The following SYNE2 variants were observed in gnomAD, a reference collection of about 807,000 sequenced individuals.
The protein encoded by SYNE2 is nesprin-2.
A neutral mutation model predicts 856.3 loss-of-function variants in SYNE2; 431 were observed. That is an observed-to-expected ratio of 0.50 (90% CI 0.47 to 0.55). The LOEUF is 0.55. SYNE2 is among the 20% of genes least tolerant of loss of function. The pLI is 0.00. For missense variants in SYNE2, 8,129 were observed against 8,023.2 expected (o/e 1.01, Z -0.50); for synonymous variants, 2,923 against 2,872.3 (o/e 1.02, Z -0.56).
At chr14:64,074,816 AC>A (rs1462106226) in intron 53 of SYNE2, among the ~76,000 whole-genome samples, 1 of 152,010 alleles carries the variant, frequency 6.6e-6, no homozygotes, top group Admixed American at 6.6e-5. Context: ...AATCACTTGG[AC>A]CCAGTAGGTG....
intron 1 of SYNE2, among the ~76,000 whole-genome samples, chr14:63,888,502 A>G (rs997743016): frequency 5.3e-5 from 8 of 152,200 alleles, no homozygotes; most frequent in Non-Finnish European, 8.8e-5. Context: ...TTAGCCTCAT[A>G]GTATCACTTG....
chr14:63,988,811 A>G (rs768877553), intron 19 of SYNE2, among the ~76,000 whole-genome samples: 9 of 152,118 alleles, frequency 5.9e-5, no homozygotes, highest in Non-Finnish European at 1.3e-4. Context: ...TAATCATCAG[A>G]TCTCGTGAAA....
At chr14:64,186,399 A>AC in intron 96 of SYNE2, 25 bp from the exon 97 acceptor site, 1 of 1,613,806 alleles carries the variant, frequency 6.2e-7, no homozygotes, top group Non-Finnish European at 8.5e-7. Context: ...AAGGCTTTTT[A>AC]CCCCCTTCTT....
rs1302918276 is a variant in SYNE2, at chr14:63,880,910, G to A, written c.-52+27767G>A. Among the ~76,000 whole-genome samples the A allele has an allele frequency of 2.6e-5, 4 of 151,480 alleles. No homozygotes were observed. In the East Asian group the frequency reaches 5.8e-4, roughly 22 times the overall value. On this transcript the variant is annotated intron_variant, in intron 1 of 115. Transcript: ENST00000555002. ...CGCCCAGGCTGGAGTGCAGTGGTGCGATGTCGGCTCACTGCAACCTCTCTC... is the reference window on the plus strand; with the variant it reads ...CGCCCAGGCTGGAGTGCAGTGGTGCAATGTCGGCTCACTGCAACCTCTCTC...
chr14:63,896,462 TG>T (rs1277339197), intron 1 of SYNE2, among the ~76,000 whole-genome samples: 1 of 152,198 alleles, frequency 6.6e-6, no homozygotes, highest in Non-Finnish European at 1.5e-5. Flanking sequence ...CAGGAATGGG[TG>T]GACTCTGTTT....
Position 63,789,066 on chromosome 14 carries a change from A to C in SYNE2, c.-305+27080A>C, listed in dbSNP as rs1887640734. ...ATGGATTTCTGTTATTTGCAGCAAC[A>C]TGGATAAAACTAGAGAACATTATGT... On this transcript the variant is annotated intron_variant, in intron 1 of 23. Coordinates refer to the SYNE2 transcript ENST00000674003. Among the ~76,000 whole-genome samples, 3 of 152,254 alleles carry C rather than the reference A, an allele frequency of 2.0e-5. No individual in the cohort carries two copies. In the South Asian group the frequency reaches 6.2e-4, roughly 32 times the overall value.
intron 110 of SYNE2, among the ~76,000 whole-genome samples, chr14:64,219,972 G>A (rs2098687076): frequency 6.6e-6 from 1 of 152,252 alleles, no homozygotes; most frequent in Non-Finnish European, 1.5e-5. Flanking sequence ...GCCATGAGCA[G>A]TAGCCTGAGA....
chr14:63,850,079 CTTTT>C (rs66964099), upstream of SYNE2, among the ~76,000 whole-genome samples: 131 of 130,382 alleles, frequency 1.0e-3, no homozygotes, highest in East Asian at 2.4e-3. Flanking sequence ...TGACAACATA[CTTTT>C]TTTTTTTTTT....
chr14:63,830,306 T>C (rs1889623171), intron 1 of SYNE2, among the ~76,000 whole-genome samples: 2 of 150,676 alleles, frequency 1.3e-5, no homozygotes, highest in Non-Finnish European at 3.0e-5. Context: ...CTAAAATGGG[T>C]TGTATTAATG....
At chr14:63,966,439 C>T (rs1408006373) in intron 10 of SYNE2, among the ~76,000 whole-genome samples, 1 of 152,046 alleles carries the variant, frequency 6.6e-6, no homozygotes, top group Non-Finnish European at 1.5e-5. Context: ...GGGAGGTTCA[C>T]TTGAGCCCAG....
chr14:63,989,783 T>C (rs929611195), intron 19 of SYNE2, among the ~76,000 whole-genome samples: 18 of 152,206 alleles, frequency 1.2e-4, no homozygotes, highest in East Asian at 7.7e-4. Context: ...CCCGAGTAAC[T>C]GGGACTACAG....
rs764391251 is a variant in SYNE2, at chr14:64,140,088, C to T, written c.14976+15C>T. 56 of 1,610,134 alleles carry T rather than the reference C, an allele frequency of 3.5e-5. No individual in the cohort carries two copies. Among genetic ancestry groups the T allele is most frequent in the Non-Finnish European group, 2.5e-5 (30 of 1,177,944 alleles). On this transcript the variant is annotated intron_variant, in intron 80 of 115. Transcript: ENST00000555002. Reference sequence around the variant, plus strand: ...ACAATTTTTTTGTAAGTTGTAATAGCATATGTTCAGTTAATTACTGGTCAG... The same window carrying T: ...ACAATTTTTTTGTAAGTTGTAATAGTATATGTTCAGTTAATTACTGGTCAG...
intron 2 of SYNE2, among the ~76,000 whole-genome samples, chr14:63,928,374 T>C (rs1211206021): frequency 1.3e-5 from 2 of 152,202 alleles, no homozygotes; most frequent in Non-Finnish European, 2.9e-5. Context: ...GGTTGAGAAA[T>C]GGTTGCTCAC....
intron 59 of SYNE2, 84 bp from the exon 60 acceptor site, chr14:64,090,782 A>G: frequency 1.6e-6 from 2 of 1,221,428 alleles, no homozygotes; most frequent in Non-Finnish European, 2.3e-6. Context: ...TAAAAACTAT[A>G]CTGTATTTTA....
intron 53 of SYNE2, among the ~76,000 whole-genome samples, chr14:64,074,340 T>C (rs529779812): frequency 2.6e-5 from 4 of 152,196 alleles, no homozygotes; most frequent in Admixed American, 2.0e-4. Context: ...AGAACAGAGT[T>C]GAAACAAGGC....
upstream of SYNE2, among the ~76,000 whole-genome samples, chr14:63,851,993 G>GGGGAGAA (rs1890539724): frequency 5.4e-5 from 1 of 18,510 alleles, no homozygotes; most frequent in Non-Finnish European, 9.3e-5. Context: ...GGGGGGGGGG[G>GGGGAGAA]AATGAAATGG....
chr14:63,769,224 A>C (rs1404241695), intron 1 of SYNE2, among the ~76,000 whole-genome samples: 1 of 152,240 alleles, frequency 6.6e-6, no homozygotes, highest in Non-Finnish European at 1.5e-5. Flanking sequence ...GAGATAGGTC[A>C]AGACTGTAGT....
At chr14:63,807,657 G>A (rs1312506444) in intron 1 of SYNE2, among the ~76,000 whole-genome samples, 4 of 128,986 alleles carry the variant, frequency 3.1e-5, no homozygotes, top group Non-Finnish European at 5.2e-5. Flanking sequence ...GATCATGAAA[G>A]GTTTTTCCTT....
Position 64,190,165 on chromosome 14 carries a change from C to G in SYNE2, c.17966C>G (p.Ala5989Gly), listed in dbSNP as rs760410241. 52 of 1,614,000 alleles carry G rather than the reference C, an allele frequency of 3.2e-5. 1 individual carries two copies. The highest frequency in any genetic ancestry group is 4.2e-6 in the Non-Finnish European group (5 of 1,180,036). Residue 5989 changes from alanine to glycine, a missense_variant, in exon 99 of 116, where the codon GCA (alanine) becomes GGA (glycine). Physicochemically the swap from Ala to Gly is moderately conservative, Grantham distance 60. Around this residue, in one of 3 missense-constraint regions of SYNE2, gnomAD observed 5,410 missense variants for 5,284.8 expected, o/e 1.02. Transcript: ENST00000555002. ...ATCAAGGCCAGCAACAAATCAAGAGCAGCTGAGATCGATGACAAGCTCAAC... is the reference window on the plus strand; with the variant it reads ...ATCAAGGCCAGCAACAAATCAAGAGGAGCTGAGATCGATGACAAGCTCAAC... The part of the protein sequence containing the change: ...QLIKASNKSR[A>G]AEIDDKLNKI...
Sources: gnomAD v4.1 joint callset for allele counts (sites outside exome capture counted in the v4.1 genomes callset) on GRCh38, gnomAD v4.1.1 for gene constraint, gnomAD v4.1.1 regional missense constraint, MANE v1.5 for transcripts, NCBI Gene and HGNC (gene_info 2026-07-23, HGNC 2026-07-21) for gene names.